SLC24A2: variants seen among roughly 807,000 people sequenced by gnomAD.
SLC24A2 encodes sodium/potassium/calcium exchanger 2.
SLC24A2 carries 36 observed loss-of-function variants against 62.0 expected under a neutral mutation model. The ratio of observed to expected loss-of-function variants is 0.58; its 90% confidence interval spans 0.44 to 0.77. The LOEUF is 0.77. SLC24A2 is among the 30% of genes least tolerant of loss of function. SLC24A2 has a pLI of 0.00. For synonymous variants in SLC24A2, 358 were observed against 294.0 expected, an observed-to-expected ratio of 1.22 and a Z score of -2.23; for missense variants, 846 against 817.9, an observed-to-expected ratio of 1.03 and a Z score of -0.42.
chr9:19,973,709 T>C, the SLC24A2 span, among the ~76,000 whole-genome samples: 3 of 152,240 alleles, frequency 2.0e-5, no homozygotes, highest in African/African-American at 7.2e-5. Context: ...AGGATAATTA[T>C]ACCAGATACC....
At chr9:20,066,145 G>A in the SLC24A2 span, among the ~76,000 whole-genome samples, 4 of 152,180 alleles carry the variant, frequency 2.6e-5, no homozygotes, top group South Asian at 8.3e-4. Context: ...ATAAAGGGAG[G>A]AGGATCATTG....
intron 2 of SLC24A2, among the ~76,000 whole-genome samples, chr9:19,670,481 A>C (rs369052501): frequency 1.3e-5 from 2 of 152,322 alleles, no homozygotes; most frequent in East Asian, 1.9e-4. Flanking sequence ...AATAATAATA[A>C]CTATGATGGC....
the SLC24A2 span, among the ~76,000 whole-genome samples, chr9:20,099,020 G>C: frequency 4.6e-5 from 7 of 152,132 alleles, no homozygotes; most frequent in African/African-American, 1.7e-4. Flanking sequence ...TTATGCAGAT[G>C]GTAATGTATT....
At chr9:19,652,373 G>T (rs561276137) in intron 2 of SLC24A2, among the ~76,000 whole-genome samples, 2 of 152,258 alleles carry the variant, frequency 1.3e-5, no homozygotes, top group East Asian at 3.9e-4. Context: ...TTAAGTTAAG[G>T]ATCTTGAGAT....
the SLC24A2 span, among the ~76,000 whole-genome samples, chr9:20,044,957 A>G: frequency 6.6e-6 from 1 of 152,106 alleles, no homozygotes; most frequent in South Asian, 2.1e-4. Context: ...GTGGCTGTCA[A>G]CAATACTGGG....
chr9:19,743,014 C>G (rs1156661212), intron 2 of SLC24A2, among the ~76,000 whole-genome samples: 8 of 152,284 alleles, frequency 5.3e-5, no homozygotes. Context: ...CCTTATGTTA[C>G]TGTTTCGATG....
At chr9:20,186,376 G>A in the SLC24A2 span, among the ~76,000 whole-genome samples, 41 of 152,036 alleles carry the variant, frequency 2.7e-4, no homozygotes, top group African/African-American at 8.9e-4. Context: ...TATTCTAACC[G>A]GGGCCCTACT....
At chr9:20,299,851 G>A in the SLC24A2 span, among the ~76,000 whole-genome samples, 2 of 152,220 alleles carry the variant, frequency 1.3e-5, no homozygotes, top group Admixed American at 1.3e-4. Flanking sequence ...TATTCCAAGT[G>A]CATTGCTCTT....
chr9:19,702,478 T>C (rs1454993229), intron 2 of SLC24A2, among the ~76,000 whole-genome samples: 1 of 152,188 alleles, frequency 6.6e-6, no homozygotes, highest in Non-Finnish European at 1.5e-5. Context: ...TGGTGACTTG[T>C]CGCATAACAG....
chr9:19,722,003 TC>T (rs1391188223), intron 2 of SLC24A2, among the ~76,000 whole-genome samples: 2 of 152,182 alleles, frequency 1.3e-5, no homozygotes, highest in African/African-American at 4.8e-5. Context: ...ATAATACTTT[TC>T]CAAATTCCTC....
chr9:19,553,673 C>G (rs1834949254), intron 7 of SLC24A2, among the ~76,000 whole-genome samples: 1 of 152,224 alleles, frequency 6.6e-6, no homozygotes, highest in Admixed American at 6.5e-5. Context: ...CCAGTGTCTG[C>G]TCAGGCTGTG....
chr9:19,973,509 G>A, the SLC24A2 span, among the ~76,000 whole-genome samples: 16 of 152,166 alleles, frequency 1.1e-4, no homozygotes, highest in South Asian at 4.1e-4. Flanking sequence ...AGACGTGGGC[G>A]TTGGAGCAAG....
chr9:20,051,657 CTTTTT>C, the SLC24A2 span, among the ~76,000 whole-genome samples: 25 of 73,510 alleles, frequency 3.4e-4, no homozygotes, highest in African/African-American at 1.2e-3. Context: ...TTTTCTTTCT[CTTTTT>C]TTTTTTTTTT....
the SLC24A2 span, among the ~76,000 whole-genome samples, chr9:20,256,187 G>A: frequency 6.6e-6 from 1 of 152,212 alleles, no homozygotes; most frequent in African/African-American, 2.4e-5. Context: ...TTGCCTTGGG[G>A]ATTAAGCTTC....
chr9:19,659,162 A>T (rs1440920108), intron 2 of SLC24A2, among the ~76,000 whole-genome samples: 1 of 152,168 alleles, frequency 6.6e-6, no homozygotes, highest in East Asian at 1.9e-4. Context: ...GAAGACAGAG[A>T]GACACACAGA....
chr9:20,198,830 T>C, the SLC24A2 span, among the ~76,000 whole-genome samples: 2 of 152,344 alleles, frequency 1.3e-5, no homozygotes, highest in African/African-American at 4.8e-5. Flanking sequence ...GCAAACCTGG[T>C]TGTGCCATGA....
the SLC24A2 span, among the ~76,000 whole-genome samples, chr9:19,866,086 A>T: frequency 6.6e-6 from 1 of 152,234 alleles, no homozygotes; most frequent in East Asian, 1.9e-4. Context: ...TGGCAAACAG[A>T]CATATGAAAA....
chr9:19,925,034 G>C, the SLC24A2 span, among the ~76,000 whole-genome samples: 1 of 152,166 alleles, frequency 6.6e-6, no homozygotes, highest in African/African-American at 2.4e-5. Context: ...ATTTTCTATA[G>C]CATGCTTGGA....
At chr9:19,656,865 C>T (rs1447345362) in intron 2 of SLC24A2, among the ~76,000 whole-genome samples, 4 of 152,202 alleles carry the variant, frequency 2.6e-5, no homozygotes, top group East Asian at 1.9e-4. Flanking sequence ...CTCTCACCTG[C>T]CAGGTGGAGC....
Sources: allele counts gnomAD v4.1 joint callset (sites outside exome capture counted in the v4.1 genomes callset), GRCh38; gene constraint gnomAD v4.1.1; transcripts MANE v1.5; gene names NCBI Gene and HGNC (gene_info 2026-07-23, HGNC 2026-07-21).